The following ZNF540 variants were observed in gnomAD, a reference collection of about 807,000 sequenced individuals.
ZNF540 encodes zinc finger protein 540.
Under a neutral mutation model 11.8 loss-of-function variants are expected in ZNF540, and 3 were observed. The ratio of observed to expected loss-of-function variants is 0.25; its 90% CI spans 0.12 to 0.65. The LOEUF is 0.65. Ranked by LOEUF, ZNF540 falls within the 30% of genes least tolerant of loss-of-function variation. The probability of loss-of-function intolerance (pLI) is 0.83; values close to 1 mark genes in which losing one functional copy is unlikely to be tolerated. For missense variants in ZNF540, 709 were observed against 793.1 expected (o/e 0.89, Z 1.27); for synonymous variants, 247 against 259.0 (o/e 0.95, Z 0.45).
chr19:37,556,795 A>G (rs1039554695), intron 1 of ZNF540, among the ~76,000 whole-genome samples: 14 of 152,204 alleles, frequency 9.2e-5, no homozygotes, highest in African/African-American at 3.1e-4. Flanking sequence ...TAAGGGGTGC[A>G]CCTTACTCTA....
chr19:37,588,595 T>C (rs1225958218), intron 1 of ZNF540, among the ~76,000 whole-genome samples: 10 of 152,186 alleles, frequency 6.6e-5, no homozygotes, highest in Admixed American at 5.2e-4. Flanking sequence ...CAAACCTACC[T>C]ACCTATCAGG....
At chr19:37,605,448 G>A (rs1405027822) in intron 4 of ZNF540, among the ~76,000 whole-genome samples, 1 of 152,150 alleles carries the variant, frequency 6.6e-6, no homozygotes, top group Non-Finnish European at 1.5e-5. Context: ...AGGAGTTCGA[G>A]ACCAGCCTGA....
chr19:37,568,323 C>G (rs1568344391), intron 1 of ZNF540, among the ~76,000 whole-genome samples: 3 of 150,614 alleles, frequency 2.0e-5, no homozygotes, highest in Admixed American at 2.0e-4. Context: ...AACTACCCCC[C>G]CCCACTTGCC....
At chr19:37,575,980 T>G (rs2043229430) in intron 1 of ZNF540, among the ~76,000 whole-genome samples, 1 of 152,126 alleles carries the variant, frequency 6.6e-6, no homozygotes, top group Admixed American at 6.6e-5. Flanking sequence ...AGGCTTTTAT[T>G]CTTGCCAAAC....
At chr19:37,589,200 C>CAAAA (rs35689698) in intron 1 of ZNF540, among the ~76,000 whole-genome samples, 6 of 108,856 alleles carry the variant, frequency 5.5e-5, no homozygotes, top group Non-Finnish European at 7.2e-5. Context: ...AACTCCGTCT[C>CAAAA]AAAAAAAAAA....
In ZNF540 at chr19:37,565,143, T is replaced by TA. The variant is rs1226646643; in HGVS notation, c.-73+13481dup. The TA allele has an allele frequency of 3.1e-6, 5 of 1,613,334 alleles. No homozygotes were observed. In the African/African-American group the frequency reaches 5.3e-5, roughly 17 times the overall value. On this transcript the variant is annotated intron_variant, in intron 1 of 4. Transcript: ENST00000592533. ...TGTTCACTAAGTTGTTTGCCACAAA[T>TA]AAAGGCCTTTCCACATTCCTTACAT...
At chr19:37,566,957 TATC>T (rs933189820) in intron 1 of ZNF540, among the ~76,000 whole-genome samples, 7 of 152,148 alleles carry the variant, frequency 4.6e-5, no homozygotes, top group African/African-American at 1.7e-4. Flanking sequence ...ACTTTTCTGA[TATC>T]ATCACTTACC....
At position 37,564,854 on chromosome 19, in the gene ZNF540, CTG is replaced by C. The variant is rs759003615; in HGVS notation, c.-73+13192_-73+13193del. 1.1e-5 allele frequency: 17 copies of C among 1,613,902 alleles called. No homozygotes were observed. The East Asian group carries it at 1.1e-4, about 11-fold the overall frequency. ...TTTACATTCATAAGGTTTTTCACCT[CTG>C]TGAATTCTCTGATGTTCACTAAGTT... is the stretch of plus-strand genomic sequence containing the variant. On this transcript the variant is annotated intron_variant, in intron 1 of 4. Transcript: ENST00000592533.
chr19:37,604,798 C>G (rs756073623), intron 4 of ZNF540, among the ~76,000 whole-genome samples: 1 of 152,150 alleles, frequency 6.6e-6, no homozygotes, highest in South Asian at 2.1e-4. Context: ...CAGTACCCTT[C>G]CCCCACTTTC....
At chr19:37,566,469 G>T (rs2042864916) in intron 1 of ZNF540, 1 of 674,442 alleles carries the variant, frequency 1.5e-6, no homozygotes, top group African/African-American at 1.8e-5. Flanking sequence ...AAAAAGGAGA[G>T]CTTATAGGAA....
At chr19:37,593,458 C>G (rs2043926122), upstream of ZNF540, among the ~76,000 whole-genome samples, 2 of 152,214 alleles carry the variant, frequency 1.3e-5, no homozygotes, top group Admixed American at 6.5e-5. Flanking sequence ...AATCCCAGCA[C>G]TCTGGGAGGC....
At chr19:37,577,900 CG>C (rs1342261986) in intron 1 of ZNF540, among the ~76,000 whole-genome samples, 1 of 152,124 alleles carries the variant, frequency 6.6e-6, no homozygotes, top group Admixed American at 6.5e-5. Context: ...AGCCACAGAC[CG>C]TACTGTTTGG....
At chr19:37,557,550 G>A (rs1385675113) in intron 1 of ZNF540, among the ~76,000 whole-genome samples, 1 of 152,110 alleles carries the variant, frequency 6.6e-6, no homozygotes, top group Non-Finnish European at 1.5e-5. Flanking sequence ...CAGCTGCACC[G>A]GCCTTTCGTA....
At chr19:37,567,472 C>T (rs568305542) in intron 1 of ZNF540, 4 of 152,176 alleles carry the variant, frequency 2.6e-5, no homozygotes, top group East Asian at 1.9e-4. Context: ...AGCCCCTTTA[C>T]GATCCAGTTC....
intron 3 of ZNF540, among the ~76,000 whole-genome samples, 160 bp from the exon 4 acceptor site, chr19:37,600,850 T>C (rs1418741607): frequency 6.6e-6 from 1 of 152,212 alleles, no homozygotes; most frequent in Non-Finnish European, 1.5e-5. Context: ...TCTGGGATCC[T>C]GAGGTTACAC....
chr19:37,552,597 T>G (rs921488913), intron 1 of ZNF540, among the ~76,000 whole-genome samples: 3 of 152,232 alleles, frequency 2.0e-5, no homozygotes, highest in Admixed American at 6.5e-5. Context: ...TTCTATAGTA[T>G]TATAAAATAT....
intron 1 of ZNF540, chr19:37,566,148 C>T (rs766026122): frequency 1.9e-6 from 3 of 1,613,982 alleles, no homozygotes; most frequent in Non-Finnish European, 1.7e-6. Context: ...TCTAAGTTGC[C>T]TTTGCACTCC....
intron 1 of ZNF540, among the ~76,000 whole-genome samples, chr19:37,578,601 G>C (rs1459258090): frequency 3.3e-5 from 5 of 152,204 alleles, no homozygotes; most frequent in Admixed American, 3.3e-4. Flanking sequence ...GGGGCGGTCA[G>C]AATGCCCAGC....
rs973828175 is a variant in ZNF540 at position 37,607,385 on chromosome 19, G to T, written c.233-4128G>T. On this transcript the variant is annotated intron_variant, in intron 4 of 4. Transcript: ENST00000316433. ...TGGTGTTGTAAATTCTATTAACTTT[G>T]AAAAATATATAATGATATGTATCCA... Among the ~76,000 whole-genome samples the T allele has an allele frequency of 1.2e-4, 19 of 152,236 alleles. No individual in the cohort carries two copies. The East Asian group carries it at 3.5e-3, about 28-fold the overall frequency.
Sources: allele counts gnomAD v4.1 joint callset (sites outside exome capture counted in the v4.1 genomes callset), GRCh38; gene constraint gnomAD v4.1.1; transcripts MANE v1.5; gene names NCBI Gene and HGNC (gene_info 2026-07-23, HGNC 2026-07-21).